FHIP1A: variants seen among roughly 807,000 people sequenced by gnomAD.
FHIP1A encodes the protein FHF complex subunit HOOK-interacting protein 1A.
FHIP1A carries 61 observed loss-of-function variants against 88.6 expected under a neutral mutation model. The ratio of observed to expected loss-of-function variants is 0.69; its 90% CI spans 0.56 to 0.85. The LOEUF is 0.85. FHIP1A is among the 40% of genes least tolerant of loss of function. The pLI, the probability that FHIP1A is intolerant of heterozygous loss-of-function variation, is 0.00. For synonymous variants in FHIP1A, 478 were observed against 496.0 expected (o/e 0.96, Z 0.48); for missense variants, 1,154 against 1,273.5 (o/e 0.91, Z 1.43).
intron 3 of FHIP1A, among the ~76,000 whole-genome samples, chr4:151,548,178 C>T (rs1223761645): frequency 6.6e-6 from 1 of 152,162 alleles, no homozygotes; most frequent in Non-Finnish European, 1.5e-5. Flanking sequence ...CTAGATGCCT[C>T]AGGTTCATGC....
At chr4:151,512,178 G>C (rs1731059832) in intron 3 of FHIP1A, among the ~76,000 whole-genome samples, 1 of 152,202 alleles carries the variant, frequency 6.6e-6, no homozygotes, top group African/African-American at 2.4e-5. Flanking sequence ...AGGCAAACAG[G>C]GTCTGGAGTG....
At chr4:151,538,004 A>G (rs1476117752) in intron 3 of FHIP1A, among the ~76,000 whole-genome samples, 1 of 152,150 alleles carries the variant, frequency 6.6e-6, no homozygotes, top group Admixed American at 6.5e-5. Flanking sequence ...CCTGACCAGG[A>G]AGGATGGTGG....
At chr4:151,520,927 A>G (rs1425767823) in intron 3 of FHIP1A, among the ~76,000 whole-genome samples, 2 of 152,194 alleles carry the variant, frequency 1.3e-5, no homozygotes, top group African/African-American at 2.4e-5. Flanking sequence ...ATGTATTTGC[A>G]TGCATGTTGC....
In FHIP1A at chr4:151,452,355, A is replaced by C. The variant is rs113512509; in HGVS notation, c.-355-2346A>C. Among the ~76,000 whole-genome samples the C allele has an allele frequency of 4.6e-3, 697 of 152,300 alleles. 5 individuals carry two copies. The highest frequency in any genetic ancestry group is 0.016 in the African/African-American group (675 of 41,572). Reference sequence around the variant, plus strand: ...CTTGGAAAATATGGACACCTTAGTGAAAGGAGATATGAACACTTTACCTCC... The same window carrying C: ...CTTGGAAAATATGGACACCTTAGTGCAAGGAGATATGAACACTTTACCTCC... On this transcript the variant is annotated intron_variant, in intron 1 of 13. Transcript: ENST00000435205.
At chr4:151,434,571 A>T (rs1024610462) in intron 1 of FHIP1A, among the ~76,000 whole-genome samples, 6 of 152,220 alleles carry the variant, frequency 3.9e-5, no homozygotes, top group African/African-American at 1.4e-4. Context: ...CTCTTGGTCA[A>T]TTATTCATTC....
intron 10 of FHIP1A, among the ~76,000 whole-genome samples, chr4:151,647,592 C>T (rs1482398589): frequency 3.3e-5 from 5 of 152,102 alleles, no homozygotes; most frequent in Non-Finnish European, 5.9e-5. Context: ...TTGATATTAA[C>T]GTAATTTGTA....
chr4:151,521,761 G>C (rs1416096067), intron 3 of FHIP1A, among the ~76,000 whole-genome samples: 1 of 152,086 alleles, frequency 6.6e-6, no homozygotes, highest in African/African-American at 2.4e-5. Flanking sequence ...GTCTTGCTCT[G>C]TCCCACAGAC....
intron 3 of FHIP1A, among the ~76,000 whole-genome samples, chr4:151,558,397 G>A (rs185750868): frequency 5.7e-4 from 87 of 152,094 alleles, no homozygotes; most frequent in Middle Eastern, 3.4e-3. Context: ...TTAGCCAGGC[G>A]TGGTGGTGCA....
chr4:151,617,628 G>A (rs933046588), intron 7 of FHIP1A, among the ~76,000 whole-genome samples: 21 of 152,320 alleles, frequency 1.4e-4, no homozygotes, highest in Non-Finnish European at 2.4e-4. Context: ...GCTCATGCCT[G>A]TAATCCCAGC....
intron 2 of FHIP1A, among the ~76,000 whole-genome samples, chr4:151,456,716 C>G (rs545328953): frequency 1.3e-5 from 2 of 151,572 alleles, no homozygotes; most frequent in Non-Finnish European, 2.9e-5. Flanking sequence ...TTAGAAATAA[C>G]TATTGTTATG....
At chr4:151,477,373 T>A (rs193298148) in intron 2 of FHIP1A, among the ~76,000 whole-genome samples, 199 of 152,242 alleles carry the variant, frequency 1.3e-3, no homozygotes, top group Non-Finnish European at 2.2e-3. Context: ...CAAAAATCAA[T>A]CTATGATAAA....
chr4:151,550,640 T>C (rs1044928021), intron 3 of FHIP1A, among the ~76,000 whole-genome samples: 2 of 152,208 alleles, frequency 1.3e-5, no homozygotes, highest in Admixed American at 6.5e-5. Context: ...CTTGTACCAT[T>C]TAAAAGATTT....
chr4:151,609,380 A>G (rs1277862630), intron 7 of FHIP1A, among the ~76,000 whole-genome samples: 1 of 152,164 alleles, frequency 6.6e-6, no homozygotes, highest in Admixed American at 6.5e-5. Flanking sequence ...TGGAAAGATG[A>G]TGTACCCAGA....
chr4:151,503,781 C>T (rs1730731553), intron 3 of FHIP1A, among the ~76,000 whole-genome samples: 1 of 152,130 alleles, frequency 6.6e-6, no homozygotes, highest in Non-Finnish European at 1.5e-5. Flanking sequence ...ATACTAGGTT[C>T]CAAAGGCCTA....
intron 5 of FHIP1A, 69 bp downstream of exon 5, chr4:151,578,145 CT>C: frequency 7.4e-7 from 1 of 1,345,452 alleles, no homozygotes; most frequent in Non-Finnish European, 1.0e-6. Context: ...GTGATGAATA[CT>C]TTCTTACTCC....
chr4:151,624,355 C>A (rs1182185141), intron 7 of FHIP1A, among the ~76,000 whole-genome samples: 2 of 152,118 alleles, frequency 1.3e-5, no homozygotes, highest in Admixed American at 6.5e-5. Flanking sequence ...ACCACCACTG[C>A]CTGTGGTGTG....
intron 4 of FHIP1A, among the ~76,000 whole-genome samples, chr4:151,570,779 G>A (rs1214972549): frequency 6.6e-6 from 1 of 152,186 alleles, no homozygotes; most frequent in Non-Finnish European, 1.5e-5. Context: ...CAGTCAGTAT[G>A]AAATACAAGT....
chr4:151,479,402 A>C (rs185690519), intron 2 of FHIP1A, among the ~76,000 whole-genome samples: 1 of 152,214 alleles, frequency 6.6e-6, no homozygotes, highest in Admixed American at 6.5e-5. Flanking sequence ...GAATCAGTGA[A>C]GTTTGTGGAC....
chr4:151,466,850 A>G (rs1410790235), intron 2 of FHIP1A, among the ~76,000 whole-genome samples: 2 of 152,240 alleles, frequency 1.3e-5, no homozygotes, highest in East Asian at 3.8e-4. Context: ...TTAAAGACTT[A>G]AATGTAAAAC....
Sources: gnomAD v4.1 joint callset for allele counts (sites outside exome capture counted in the v4.1 genomes callset) on GRCh38, gnomAD v4.1.1 for gene constraint, MANE v1.5 for transcripts, NCBI Gene and HGNC (gene_info 2026-07-23, HGNC 2026-07-21) for gene names.